The following MAML1 variants were observed in gnomAD, a reference collection of about 807,000 sequenced individuals.
MAML1 encodes mastermind-like protein 1.
MAML1 carries 14 observed loss-of-function variants against 77.1 expected under a neutral mutation model. The ratio of observed to expected loss-of-function variants is 0.18; its 90% CI spans 0.12 to 0.28. The LOEUF (loss-of-function observed/expected upper bound fraction) is 0.28. MAML1 is among the 10% of genes least tolerant of loss of function. MAML1 has a pLI of 1.00. For missense variants in MAML1, 1,217 were observed against 1,327.8 expected (o/e 0.92, Z 1.30); for synonymous variants, 516 against 551.9 (o/e 0.93, Z 0.91).
Position 179,769,544 on chromosome 5 carries a change from T to C in MAML1, c.1971+455T>C, listed in dbSNP as rs951057714. Among the ~76,000 whole-genome samples, 4 of 151,936 alleles carry C rather than the reference T, an allele frequency of 2.6e-5. No individual in the cohort carries two copies. The highest frequency in any genetic ancestry group is 9.7e-5 in the African/African-American group (4 of 41,346). ...AAGTGTAGTGTGCAGGCACTAAGGG[T>C]TACAAGTGAGAGTTCTTTTTTTTTT... On this transcript the variant is annotated intron_variant, in intron 3 of 4. Transcript: ENST00000292599. This position sits in a 1 kb window ranked among gnomAD's most constrained non-coding sequence, Gnocchi z 4.2.
intron 1 of MAML1, among the ~76,000 whole-genome samples, chr5:179,754,797 A>G (rs145758860): frequency 3.3e-5 from 5 of 152,222 alleles, no homozygotes; most frequent in East Asian, 1.9e-4. Context: ...TGCTGATGCT[A>G]CTGGCCTGGG....
intron 1 of MAML1, among the ~76,000 whole-genome samples, chr5:179,750,403 T>G (rs1304286519): frequency 2.2e-5 from 3 of 138,068 alleles, no homozygotes; most frequent in Admixed American, 2.1e-4. Context: ...TTTTGTTTGC[T>G]TGTTTCTCTG....
At chr5:179,743,309 C>T (rs1474457530) in intron 1 of MAML1, among the ~76,000 whole-genome samples, 1 of 151,604 alleles carries the variant, frequency 6.6e-6, no homozygotes, top group East Asian at 1.9e-4. Flanking sequence ...GCCTCCGCCT[C>T]CCAAAGTGCT....
chr5:179,747,682 C>G (rs530104819), intron 1 of MAML1, among the ~76,000 whole-genome samples: 6 of 151,790 alleles, frequency 4.0e-5, no homozygotes, highest in African/African-American at 1.4e-4. Context: ...AGGTGGTGGG[C>G]ACCTGTAGTC....
chr5:179,733,189 G>C lies in MAML1; in HGVS notation c.77G>C (p.Arg26Pro), dbSNP rs1172559168. Residue 26 changes from arginine to proline, a missense_variant, in exon 1 of 5, where the codon CGC (arginine) becomes CCC (proline). This residue lies in a region of MAML1 where 312 missense variants were observed against 331.4 expected (regional missense o/e 0.94). Coordinates refer to ENST00000292599, the MANE Select transcript of MAML1 (RefSeq NM_014757.5). ...GCGGTCATGGAGCGCCTTCGCCGGC[G>C]CATCGAGCTGTGCCGGCGCCACCAC... ...HSAVMERLRR[R>P]IELCRRHHST... is the part of the protein sequence containing the mutation. The C allele has an allele frequency of 1.4e-6, 2 of 1,473,376 alleles. No homozygotes were observed. The highest frequency in any genetic ancestry group is 1.8e-6 in the Non-Finnish European group (2 of 1,115,634). The allele number at this position is 1,473,376 out of a possible 1,614,324, so 91.3% of individuals were successfully genotyped here.
At chr5:179,741,879 A>C (rs1301203713) in intron 1 of MAML1, among the ~76,000 whole-genome samples, 1 of 151,810 alleles carries the variant, frequency 6.6e-6, no homozygotes, top group East Asian at 2.0e-4. Context: ...AAACAAATGT[A>C]TTTTATTTTT....
rs1755980270 is a variant in MAML1, at chr5:179,771,180, C to G, written c.2005C>G (p.Pro669Ala). ...ACAGTTTCAGCGCCATCTGACCCGC[C>G]CACCACCCCAGTACCAAGACCCGAC... is the stretch of plus-strand genomic sequence containing the variant. ...KQQFQRHLTRPPPQYQDPTQG... is the reference protein window; with the variant it reads ...KQQFQRHLTRAPPQYQDPTQG... The change falls in exon 4 of 5, where the codon CCA (proline) becomes GCA (alanine). Residue 669 changes from proline to alanine, a missense_variant. Coordinates refer to ENST00000292599, the MANE Select transcript of MAML1 (RefSeq NM_014757.5). This position sits in a 1 kb window ranked among gnomAD's most constrained non-coding sequence, Gnocchi z 4.7. 1 of 1,613,962 alleles carries G rather than the reference C, an allele frequency of 6.2e-7. No homozygotes were observed. The highest frequency in any genetic ancestry group is 8.5e-7 in the Non-Finnish European group (1 of 1,179,984).
In MAML1 at chr5:179,774,746, T is replaced by C; in HGVS notation, c.2920T>C (p.Tyr974His). Residue 974 changes from tyrosine (Y) to histidine (H), a missense_variant, in exon 5 of 5, where the codon TAT (tyrosine) becomes CAT (histidine). By Grantham distance (83) the Tyr-to-His change is moderately conservative. Transcript: ENST00000292599. ...CGCGGGCCAGGAGCTGCCTTTTGCC[T>C]ATAGCGGGCAGCCAGGTGGCAGTGG... ...RTAGQELPFA[Y>H]SGQPGGSGLS... The C allele has an allele frequency of 6.2e-7, 1 of 1,612,862 alleles. No individual in the cohort carries two copies. The highest frequency in any genetic ancestry group is 1.7e-5 in the Admixed American group (1 of 60,020).
chr5:179,772,984 G>A (rs1157444199), intron 4 of MAML1, among the ~76,000 whole-genome samples: 1 of 152,164 alleles, frequency 6.6e-6, no homozygotes, highest in Non-Finnish European at 1.5e-5. Flanking sequence ...TCCGCCTCCC[G>A]GATTCAAGCA....
chr5:179,760,152 T>G lies in MAML1; in HGVS notation c.316-5174T>G, dbSNP rs568061901. 1.5e-3 allele frequency among the ~76,000 whole-genome samples: 235 copies of G among 152,262 alleles called. 3 individuals carry two copies. The highest frequency in any genetic ancestry group is 5.5e-3 in the African/African-American group (227 of 41,564). ...TTCGGATAGACAGAAGTAAGAGCTC[T>G]GCAGAGGTGGGGCATCAGATGGCAC... On this transcript the variant is annotated intron_variant, in intron 1 of 4. Coordinates refer to ENST00000292599, the MANE Select transcript of MAML1 (RefSeq NM_014757.5).
intron 1 of MAML1, among the ~76,000 whole-genome samples, chr5:179,758,393 CTTTTCTTTTTT>C (rs1175176151): frequency 1.2e-4 from 17 of 147,382 alleles, no homozygotes; most frequent in Non-Finnish European, 2.4e-4. Context: ...TTTTCTTTTT[CTTTTCTTTTTT>C]TTTTTTTTAA....
At position 179,765,465 on chromosome 5, in the gene MAML1, C is replaced by G. The variant is rs551874527; in HGVS notation, c.455C>G (p.Ser152Cys). ...GCCCCTCTGGGAGTTGCCATCTCTTCCAATGGACTGCCTCCAGCCTCCCCC... is the reference window on the plus strand; with the variant it reads ...GCCCCTCTGGGAGTTGCCATCTCTTGCAATGGACTGCCTCCAGCCTCCCCC... ...REAPLGVAIS[S>C]NGLPPASPLG... Residue 152 changes from serine to cysteine, a missense_variant, in exon 2 of 5, where the codon TCC (serine) becomes TGC (cysteine). Coordinates refer to ENST00000292599, the MANE Select transcript of MAML1 (RefSeq NM_014757.5). 102 of 1,614,182 alleles carry G rather than the reference C, an allele frequency of 6.3e-5. No individual in the cohort carries two copies. The South Asian group carries it at 1.0e-3, about 17-fold the overall frequency.
At chr5:179,768,173 T>G (rs572379352) in intron 2 of MAML1, among the ~76,000 whole-genome samples, 37 of 152,304 alleles carry the variant, frequency 2.4e-4, no homozygotes, top group African/African-American at 8.9e-4. Context: ...GTTCTTCCCC[T>G]AGGCCGGGTG....
At position 179,771,267 on chromosome 5, in the gene MAML1, C is replaced by A; in HGVS notation, c.2068+24C>A. 1 of 1,601,640 alleles carries A rather than the reference C, an allele frequency of 6.2e-7. No homozygotes were observed. The highest frequency in any genetic ancestry group is 1.1e-5 in the South Asian group (1 of 90,812). ...AGGTAGGGGGTGTCTGTGTGACGAG[C>A]AGGGACAGGGGAGGCCGCTGCCTGG... On this transcript the variant is annotated intron_variant, in intron 4 of 4. Coordinates refer to ENST00000292599, the MANE Select transcript of MAML1 (RefSeq NM_014757.5). The surrounding 1 kb of genome is among the most constrained non-coding windows in gnomAD (Gnocchi z 4.7).
Position 179,765,489 on chromosome 5 carries a change from C to G in MAML1, c.479C>G (p.Pro160Arg), listed in dbSNP as rs141968004. Residue 160 changes from proline to arginine, a missense_variant, in exon 2 of 5, where the codon CCC becomes CGC. Coordinates refer to ENST00000292599, the MANE Select transcript of MAML1 (RefSeq NM_014757.5). ...ISSNGLPPAS[P>R]LGQSDKPSGA... ...TCCAATGGACTGCCTCCAGCCTCCC[C>G]CCTCGGTCAGTCTGACAAGCCTTCT... 63 of 1,614,148 alleles carry G rather than the reference C, an allele frequency of 3.9e-5. No homozygotes were observed. The highest frequency in any genetic ancestry group is 8.9e-5 in the East Asian group (4 of 44,882).
In MAML1 at chr5:179,776,333, T is replaced by C; in HGVS notation, c.*1456T>C. 1.0e-6 allele frequency: 1 copy of C among 985,796 alleles called. No individual in the cohort carries two copies. Among genetic ancestry groups the C allele is most frequent in the Non-Finnish European group, 1.2e-6 (1 of 829,948 alleles). The allele number at this position is 985,796 out of a possible 1,614,324, so 61.1% of individuals were successfully genotyped here. Reference sequence around the variant, plus strand: ...TATGTGAGAATTGAGCCAAGGAAAATACTCATGCAACCAGCCTGAGTCGCG... The same window carrying C: ...TATGTGAGAATTGAGCCAAGGAAAACACTCATGCAACCAGCCTGAGTCGCG... On this transcript the variant is annotated 3_prime_UTR_variant, in exon 5 of 5. Coordinates refer to ENST00000292599, the MANE Select transcript of MAML1 (RefSeq NM_014757.5).
At chr5:179,733,872 T>C (rs1655110177) in intron 1 of MAML1, among the ~76,000 whole-genome samples, 1 of 152,234 alleles carries the variant, frequency 6.6e-6, no homozygotes, top group Non-Finnish European at 1.5e-5. Flanking sequence ...GGCTTTCATG[T>C]GGAAATAAGT....
At chr5:179,747,326 T>A (rs923228680) in intron 1 of MAML1, among the ~76,000 whole-genome samples, 4 of 152,196 alleles carry the variant, frequency 2.6e-5, no homozygotes, top group African/African-American at 7.2e-5. Flanking sequence ...AGTCAGAAGC[T>A]GTATGGCTTT....
At chr5:179,762,767 A>G (rs1241853287) in intron 1 of MAML1, among the ~76,000 whole-genome samples, 1 of 152,186 alleles carries the variant, frequency 6.6e-6, no homozygotes, top group Non-Finnish European at 1.5e-5. Flanking sequence ...CTTGCCCTGC[A>G]TATCAGACAC....
Sources: gnomAD v4.1 joint callset for allele counts (sites outside exome capture counted in the v4.1 genomes callset) on GRCh38, gnomAD v4.1.1 for gene constraint, gnomAD v4.1.1 regional missense constraint, Gnocchi (gnomAD v3.1) non-coding constraint, MANE v1.5 for transcripts, NCBI Gene and HGNC (gene_info 2026-07-23, HGNC 2026-07-21) for gene names.